DTL: variants seen among roughly 807,000 people sequenced by gnomAD.
The protein encoded by DTL is denticleless protein homolog.
DTL carries 46 observed loss-of-function variants against 87.0 expected under a neutral mutation model. The observed-to-expected ratio is 0.53, with a 90% CI of 0.42 to 0.68. The LOEUF (loss-of-function observed/expected upper bound fraction) is 0.68, where lower values mean the gene tolerates loss of function less well. Among genes scored for constraint, DTL ranks in the 30% least tolerant of loss-of-function variants. The pLI is 0.00. For synonymous variants in DTL, 308 were observed against 311.2 expected (o/e 0.99, Z 0.11); for missense variants, 737 against 869.4 (o/e 0.85, Z 1.91).
chr1:212,068,800 T>C, intron 10 of DTL, 97 bp downstream of exon 10: 1 of 714,486 alleles, frequency 1.4e-6, no homozygotes, highest in Non-Finnish European at 2.3e-6. Flanking sequence ...ACTGAACTTA[T>C]TAAGCCATAT....
intron 13 of DTL, among the ~76,000 whole-genome samples, chr1:212,095,864 G>T (rs1201482292): frequency 1.3e-5 from 2 of 152,104 alleles, no homozygotes; most frequent in Admixed American, 1.3e-4. Flanking sequence ...CCTGGTTTTG[G>T]TATTAGAGTG....
At chr1:212,044,602 GAAAAA>G (rs373465088) in intron 2 of DTL, 53 bp from the exon 3 acceptor site, 23 of 887,944 alleles carry the variant, frequency 2.6e-5, no homozygotes, top group Middle Eastern at 3.3e-4. Flanking sequence ...GACTCCGTCT[GAAAAA>G]AAAAAAAAAA....
intron 11 of DTL, among the ~76,000 whole-genome samples, chr1:212,072,936 T>A (rs1184624443): frequency 6.6e-6 from 1 of 152,018 alleles, no homozygotes; most frequent in Non-Finnish European, 1.5e-5. Context: ...GCTAATTTCT[T>A]TTGTATTTTT....
chr1:212,054,677 C>A (rs1278505844), intron 5 of DTL, among the ~76,000 whole-genome samples: 1 of 151,684 alleles, frequency 6.6e-6, no homozygotes, highest in African/African-American at 2.4e-5. Flanking sequence ...TGCCTGTAAT[C>A]CCAGCTACTC....
At chr1:212,069,982 C>T (rs1004855292) in intron 10 of DTL, among the ~76,000 whole-genome samples, 2 of 152,174 alleles carry the variant, frequency 1.3e-5, no homozygotes, top group Non-Finnish European at 2.9e-5. Flanking sequence ...TTTCTCTAAA[C>T]AGGAGCAATA....
intron 13 of DTL, among the ~76,000 whole-genome samples, chr1:212,088,762 A>AG (rs1182489308): frequency 6.6e-6 from 1 of 152,218 alleles, no homozygotes; most frequent in Non-Finnish European, 1.5e-5. Flanking sequence ...AAGACTGAAA[A>AG]GGCAGGCTGA....
At chr1:212,075,603 A>T (rs1326527168) in intron 11 of DTL, among the ~76,000 whole-genome samples, 1 of 152,176 alleles carries the variant, frequency 6.6e-6, no homozygotes, top group African/African-American at 2.4e-5. Context: ...GTCATACTAT[A>T]CCCTAGGATA....
rs1259304049 is a variant in DTL at position 212,068,659 on chromosome 1, A to G, written c.878A>G (p.Asp293Gly). The stretch of plus-strand genomic sequence containing the variant: ...ACTTTATTTGCTAATTGCACAGACG[A>G]TAACATCTACATGTTTAATATGACT... ...GSTLFANCTD[D>G]NIYMFNMTGL... The change falls in exon 10 of 15, where the codon GAT (aspartate) becomes GGT (glycine). Residue 293 changes from aspartate to glycine, a missense_variant. By Grantham distance (94) the Asp-to-Gly change is moderately conservative. Transcript: ENST00000366991. The G allele has an allele frequency of 3.7e-6, 6 of 1,613,120 alleles. No homozygotes were observed. Among genetic ancestry groups the G allele is most frequent in the South Asian group, 3.3e-5 (3 of 91,014 alleles).
intron 10 of DTL, among the ~76,000 whole-genome samples, chr1:212,070,562 G>A (rs1333622044): frequency 2.6e-5 from 4 of 151,658 alleles, no homozygotes; most frequent in Admixed American, 1.3e-4. Context: ...AGTGAGCCAT[G>A]ATCTTGCCAC....
Position 212,104,546 on chromosome 1 carries a change from G to A in DTL, c.*1606G>A, listed in dbSNP as rs931927456. 2.6e-5 allele frequency: 4 copies of A among 151,852 alleles called. No individual in the cohort carries two copies. The highest frequency in any genetic ancestry group is 1.9e-4 in the East Asian group (1 of 5,198). 9.4% of individuals were successfully genotyped at this position (151,852 alleles called of 1,614,324 possible). A position where few individuals can be genotyped will look rare whatever the true frequency, so the allele number is the denominator to read the frequency against. ...TTTATGACCAATATCTGCCAGTAAC[G>A]CTGTTTATCTCACTTGCTTTGAAAG... On this transcript the variant is annotated 3_prime_UTR_variant, in exon 15 of 15. Transcript: ENST00000366991.
At chr1:212,043,241 G>A in intron 2 of DTL, 123 bp downstream of exon 2, 1 of 929,034 alleles carries the variant, frequency 1.1e-6, no homozygotes, top group Non-Finnish European at 1.6e-6. Flanking sequence ...TAGAGTTTTT[G>A]TAAAAACTGT....
At chr1:212,061,119 A>T (rs1175088463) in intron 5 of DTL, among the ~76,000 whole-genome samples, 1 of 152,084 alleles carries the variant, frequency 6.6e-6, no homozygotes, top group Non-Finnish European at 1.5e-5. Context: ...CAAAAAAATT[A>T]ACTGGGCATG....
chr1:212,044,192 T>C (rs997395719), intron 2 of DTL, among the ~76,000 whole-genome samples: 3 of 152,226 alleles, frequency 2.0e-5, no homozygotes, highest in Non-Finnish European at 4.4e-5. Context: ...GCCTACATCA[T>C]CATATGCCTT....
At chr1:212,064,459 C>G (rs761016591) in intron 6 of DTL, among the ~76,000 whole-genome samples, 1 of 152,156 alleles carries the variant, frequency 6.6e-6, no homozygotes, top group Non-Finnish European at 1.5e-5. Flanking sequence ...TAATGACGTG[C>G]GTCCACCATT....
chr1:212,096,447 C>T (rs1050762281), intron 13 of DTL, among the ~76,000 whole-genome samples: 8 of 152,172 alleles, frequency 5.3e-5, no homozygotes, highest in African/African-American at 1.7e-4. Context: ...TTCTCTAGTT[C>T]TTGAGGTGTG....
chr1:212,089,706 C>A (rs1300709350), intron 13 of DTL, among the ~76,000 whole-genome samples: 1 of 152,190 alleles, frequency 6.6e-6, no homozygotes, highest in African/African-American at 2.4e-5. Flanking sequence ...CCCCCATGGA[C>A]CACTTCCTCT....
At chr1:212,080,939 C>G (rs558406620) in intron 13 of DTL, among the ~76,000 whole-genome samples, 189 bp downstream of exon 13, 1 of 152,188 alleles carries the variant, frequency 6.6e-6, no homozygotes, top group Admixed American at 6.5e-5. Context: ...CAAGGTACTA[C>G]AGTGGTGGAT....
At chr1:212,072,760 C>T (rs1230833337) in intron 11 of DTL, among the ~76,000 whole-genome samples, 13 of 124,746 alleles carry the variant, frequency 1.0e-4, no homozygotes, top group East Asian at 4.5e-4. Flanking sequence ...ATTTACTAAT[C>T]TTTTTTTTTT....
intron 13 of DTL, among the ~76,000 whole-genome samples, chr1:212,094,606 C>G (rs1384060282): frequency 2.0e-5 from 3 of 152,066 alleles, no homozygotes; most frequent in African/African-American, 7.2e-5. Context: ...TTCCATATGA[C>G]TTTTCAGATT....
Sources: gnomAD v4.1 joint callset for allele counts (sites outside exome capture counted in the v4.1 genomes callset) on GRCh38, gnomAD v4.1.1 for gene constraint, MANE v1.5 for transcripts, NCBI Gene and HGNC (gene_info 2026-07-23, HGNC 2026-07-21) for gene names.